RAD52: variants seen among roughly 807,000 people sequenced by gnomAD.
The protein encoded by RAD52 is DNA repair protein RAD52 homolog.
Under a neutral mutation model 55.5 loss-of-function variants are expected in RAD52, and 47 were observed. The ratio of observed to expected loss-of-function variants is 0.85; its 90% CI spans 0.67 to 1.08. The LOEUF is 1.08. Ranked by LOEUF, RAD52 falls within the 50% of genes least tolerant of loss-of-function variation. The probability of loss-of-function intolerance (pLI) is 0.00; values close to 1 mark genes in which losing one functional copy is unlikely to be tolerated. For missense variants in RAD52, 468 were observed against 522.8 expected (o/e 0.90, Z 1.02); for synonymous variants, 184 against 198.9 (o/e 0.92, Z 0.63).
rs878967144 is a variant in RAD52, at chr12:932,958, G to A, written c.84+17C>T. On this transcript the variant is annotated intron_variant, in intron 2 of 11. Coordinates refer to ENST00000358495, the MANE Select transcript of RAD52 (RefSeq NM_134424.4). Reference sequence around the variant, plus strand: ...ACTTCACCTCATTCTTTCCCGGCATGAAGGAACCACAGTTACCTGTCCAAA... The same window carrying A: ...ACTTCACCTCATTCTTTCCCGGCATAAAGGAACCACAGTTACCTGTCCAAA... The A allele has an allele frequency of 1.9e-6, 3 of 1,613,096 alleles. No homozygotes were observed. The South Asian group carries it at 3.3e-5, about 18-fold the overall frequency.
At chr12:922,344 A>G (rs941151800) in intron 7 of RAD52, among the ~76,000 whole-genome samples, 2 of 152,170 alleles carry the variant, frequency 1.3e-5, no homozygotes, top group Admixed American at 1.3e-4. Flanking sequence ...AAAATTAAAA[A>G]TAGGATTACC....
At chr12:957,287 GTC>G (rs948842066) in intron 1 of RAD52, among the ~76,000 whole-genome samples, 4 of 151,426 alleles carry the variant, frequency 2.6e-5, no homozygotes, top group Non-Finnish European at 4.4e-5. Flanking sequence ...GTGAAACCCC[GTC>G]TCTACTAAAA....
At chr12:955,335 T>C (rs887627302) in intron 1 of RAD52, among the ~76,000 whole-genome samples, 3 of 152,166 alleles carry the variant, frequency 2.0e-5, no homozygotes, top group African/African-American at 7.2e-5. Flanking sequence ...CCACAGGATA[T>C]AGGAAGGTTT....
intron 9 of RAD52, among the ~76,000 whole-genome samples, chr12:915,146 C>G (rs181457162): frequency 1.3e-5 from 2 of 152,178 alleles, no homozygotes; most frequent in East Asian, 3.9e-4. Context: ...AACAAACCAA[C>G]AAACAAAATC....
In RAD52 at chr12:931,230, C is replaced by G; in HGVS notation, c.176G>C (p.Gly59Ala). The change falls in exon 3 of 12, where the codon GGA (glycine) becomes GCA (alanine). Residue 59 changes from glycine to alanine, a missense_variant. Coordinates refer to ENST00000358495, the MANE Select transcript of RAD52 (RefSeq NM_134424.4). ...PEYISSRMAG[G>A]GQKVCYIEGH... Reference sequence around the variant, plus strand: ...CATGAATTCTCCTACCTTCTGGCCTCCGCCAGCCATGCGGCTACTTATGTA... The same window carrying G: ...CATGAATTCTCCTACCTTCTGGCCTGCGCCAGCCATGCGGCTACTTATGTA... The G allele has an allele frequency of 6.2e-7, 1 of 1,612,076 alleles. No homozygotes were observed. Among genetic ancestry groups the G allele is most frequent in the Non-Finnish European group, 8.5e-7 (1 of 1,179,446 alleles).
At chr12:946,996 G>A (rs1024992400) in intron 1 of RAD52, among the ~76,000 whole-genome samples, 7 of 152,122 alleles carry the variant, frequency 4.6e-5, no homozygotes, top group African/African-American at 9.7e-5. Context: ...GATAATTAAC[G>A]GCCTGGTAAG....
intron 3 of RAD52, 107 bp downstream of exon 3, chr12:931,113 A>G (rs532009771): frequency 2.5e-4 from 207 of 837,168 alleles, no homozygotes; most frequent in Non-Finnish European, 3.6e-4. Flanking sequence ...CTCCAGGAAC[A>G]GTTAACAGCA....
rs1319278649 is a variant in RAD52, at chr12:938,978, T to C, written c.-18-5902A>G. 2.0e-5 allele frequency among the ~76,000 whole-genome samples: 3 copies of C among 152,170 alleles called. No individual in the cohort carries two copies. The South Asian group carries it at 6.2e-4, about 32-fold the overall frequency. ...TAGGACAATGGCCTATCACTAGATG[T>C]ATGATTTTGTATGATGCAATATTGG... On this transcript the variant is annotated intron_variant, in intron 1 of 11. Transcript: ENST00000358495.
intron 1 of RAD52, among the ~76,000 whole-genome samples, chr12:960,592 A>C (rs926737721): frequency 6.6e-6 from 1 of 152,172 alleles, no homozygotes; most frequent in African/African-American, 2.4e-5. Context: ...CCTTCTGAGT[A>C]GCTGGGACTA....
intron 2 of RAD52, 152 bp downstream of exon 2, chr12:932,823 A>C: frequency 5.5e-6 from 1 of 180,906 alleles, no homozygotes; most frequent in Non-Finnish European, 1.2e-5. Flanking sequence ...TCACACACGT[A>C]CTAGGTAAAC....
At chr12:939,085 T>TGTGTGTGTGTGTGTGTGTGTGTGTAG (rs57206780) in intron 1 of RAD52, among the ~76,000 whole-genome samples, 2 of 144,650 alleles carry the variant, frequency 1.4e-5, no homozygotes, top group Admixed American at 7.1e-5. Flanking sequence ...TGTGTGTGTG[T>TGTGTGTGTGTGTGTGTGTGTGTGTAG]AGAGAGAGAG....
chr12:971,176 T>C (rs1345104068), intron 1 of RAD52, among the ~76,000 whole-genome samples: 1 of 152,226 alleles, frequency 6.6e-6, no homozygotes, highest in Non-Finnish European at 1.5e-5. Context: ...TGGGGCCTAA[T>C]ATTTCCCTTG....
chr12:928,864 A>C (rs1487309605), intron 5 of RAD52, among the ~76,000 whole-genome samples: 1 of 152,168 alleles, frequency 6.6e-6, no homozygotes, highest in Non-Finnish European at 1.5e-5. Context: ...AGGCAAAGGC[A>C]GAGAAGCACA....
At chr12:941,228 A>C (rs1469365632) in intron 1 of RAD52, among the ~76,000 whole-genome samples, 1 of 152,348 alleles carries the variant, frequency 6.6e-6, no homozygotes, top group Admixed American at 6.5e-5. Context: ...TGATGGCTCC[A>C]TTTTACAATA....
At chr12:974,241 A>C (rs1565711603) in intron 1 of RAD52, 1 of 152,200 alleles carries the variant, frequency 6.6e-6, no homozygotes, top group Non-Finnish European at 1.5e-5. Context: ...TGCCTGTGCC[A>C]CATCAGTGTG....
In RAD52 at chr12:927,164, C is replaced by G. The variant is rs1352571686; in HGVS notation, c.448G>C (p.Gly150Arg). The change falls in exon 6 of 12, where the codon GGG (glycine) becomes CGG (arginine). Residue 150 changes from glycine (G) to arginine (R), a missense_variant. By Grantham distance (125) the Gly-to-Arg change is moderately radical (BLOSUM62 -2). Transcript: ENST00000358495. ...GCTCACCTGAGGGCTCGCTTCAGCCCGTCTGTCACCGCCTCCTTCCTTGCC... is the reference window on the plus strand; with the variant it reads ...GCTCACCTGAGGGCTCGCTTCAGCCGGTCTGTCACCGCCTCCTTCCTTGCC... ...EKARKEAVTD[G>R]LKRALRSFGN... The G allele has an allele frequency of 3.7e-6, 6 of 1,613,952 alleles. No individual in the cohort carries two copies. Among genetic ancestry groups the G allele is most frequent in the Non-Finnish European group, 5.1e-6 (6 of 1,179,976 alleles).
chr12:947,755 G>T (rs528677975), intron 1 of RAD52, among the ~76,000 whole-genome samples: 1 of 151,904 alleles, frequency 6.6e-6, no homozygotes, highest in South Asian at 2.1e-4. Flanking sequence ...GGGCATAGTG[G>T]CATGCGCCTG....
In RAD52 at chr12:930,131, T is replaced by G. The variant is rs1957250668; in HGVS notation, c.200A>C (p.Glu67Ala). The G allele has an allele frequency of 6.2e-7, 1 of 1,613,292 alleles. No homozygotes were observed. Among genetic ancestry groups the G allele is most frequent in the African/African-American group, 1.3e-5 (1 of 75,040 alleles). The stretch of plus-strand genomic sequence containing the variant: ...GGCCAGATTAATTACCCGATGACCC[T>G]CAATGTAGCACACCTAGAAAAACAA... ...AGGGQKVCYI[E>A]GHRVINLANE... The change falls in exon 4 of 12, where the codon GAG (glutamate) becomes GCG (alanine). Residue 67 changes from glutamate to alanine, a missense_variant. By Grantham distance (107) the Glu-to-Ala change is moderately radical. Transcript: ENST00000358495.
rs183569956 is a variant in RAD52, at chr12:965,835, C to T, written c.-19+23974G>A. ...CTAAGTAGCTGGGATTACACATATG[C>T]ACCACCACACCTGGCTAATTTTTGT... On this transcript the variant is annotated intron_variant, in intron 1 of 11. Transcript: ENST00000430095. Among the ~76,000 whole-genome samples the T allele has an allele frequency of 1.7e-3, 263 of 151,914 alleles. 4 individuals are homozygous for T. Among genetic ancestry groups the T allele is most frequent in the South Asian group, 6.2e-3 (30 of 4,824 alleles).
Sources: allele counts gnomAD v4.1 joint callset (sites outside exome capture counted in the v4.1 genomes callset), GRCh38; gene constraint gnomAD v4.1.1; transcripts MANE v1.5; gene names NCBI Gene and HGNC (gene_info 2026-07-23, HGNC 2026-07-21).